OSBPL10: variants seen among roughly 807,000 people sequenced by gnomAD.
OSBPL10 encodes oxysterol binding protein like 10.
A neutral mutation model predicts 81.7 loss-of-function variants in OSBPL10; 49 were observed. The ratio of observed to expected loss-of-function variants is 0.60; its 90% confidence interval spans 0.48 to 0.76. The LOEUF is 0.76. OSBPL10 is among the 30% of genes least tolerant of loss of function. The pLI, the probability that OSBPL10 is intolerant of heterozygous loss-of-function variation, is 0.00. For missense variants in OSBPL10, 923 were observed against 987.8 expected, an observed-to-expected ratio of 0.93 and a Z score of 0.88; for synonymous variants, 419 against 383.6, an observed-to-expected ratio of 1.09 and a Z score of -1.08.
At chr3:31,989,251 A>ATCCAC in intron 2 of OSBPL10, 1 of 1,614,244 alleles carries the variant, frequency 6.2e-7, no homozygotes, top group Non-Finnish European at 8.5e-7. Context: ...GGAGAACTAC[A>ATCCAC]GGAACCTGCA....
intron 1 of OSBPL10, among the ~76,000 whole-genome samples, chr3:31,905,971 A>G (rs1381975219): frequency 1.3e-5 from 2 of 152,018 alleles, no homozygotes; most frequent in Admixed American, 1.3e-4. Context: ...AGCAACAGTC[A>G]CCACATTCAA....
chr3:32,056,206 G>C (rs1699711583), intron 1 of OSBPL10, among the ~76,000 whole-genome samples: 1 of 152,130 alleles, frequency 6.6e-6, no homozygotes, highest in Non-Finnish European at 1.5e-5. Context: ...AGTTGTTTTT[G>C]AGTTTTTTTC....
intron 1 of OSBPL10, among the ~76,000 whole-genome samples, chr3:32,056,383 T>C (rs1699712551): frequency 6.6e-6 from 1 of 152,248 alleles, no homozygotes; most frequent in African/African-American, 2.4e-5. Context: ...GTTCCAACAA[T>C]TGCCCAGTTC....
chr3:31,895,666 AT>A, intron 1 of OSBPL10, among the ~76,000 whole-genome samples: 1 of 152,308 alleles, frequency 6.6e-6, no homozygotes, highest in South Asian at 2.1e-4. Flanking sequence ...TCCTGTGCCA[AT>A]GTGAACATCT....
chr3:31,940,442 G>A (rs961488888), intron 1 of OSBPL10, among the ~76,000 whole-genome samples: 5 of 152,196 alleles, frequency 3.3e-5, no homozygotes, highest in African/African-American at 1.2e-4. Flanking sequence ...GGGCACTGGG[G>A]AATTTTCTGG....
Position 31,683,915 on chromosome 3 carries a change from A to T in OSBPL10, c.1445T>A (p.Ile482Asn). ...GGAGCAGTGAAATGTCTCGCCTATG[A>T]TGGGGTTGTAGGGCTTCTTGGCTAA... ...GALAKKPYNPIIGETFHCSWE... is the reference protein window; with the variant it reads ...GALAKKPYNPNIGETFHCSWE... The change falls in exon 8 of 12, where the codon ATC becomes AAC. Residue 482 changes from isoleucine (I) to asparagine (N), a missense_variant. This residue lies in a region of OSBPL10 where 387 missense variants were observed against 436.3 expected (regional missense o/e 0.89). Transcript: ENST00000396556. The T allele has an allele frequency of 6.2e-7, 1 of 1,614,242 alleles. No individual in the cohort carries two copies. The highest frequency in any genetic ancestry group is 8.5e-7 in the Non-Finnish European group (1 of 1,180,050).
chr3:31,733,099 C>A (rs2125665881), intron 6 of OSBPL10, 158 bp downstream of exon 6: 4 of 928,722 alleles, frequency 4.3e-6, no homozygotes, highest in Admixed American at 6.0e-5. Context: ...AAGTGCCGGG[C>A]ATGCACATAG....
intron 2 of OSBPL10, among the ~76,000 whole-genome samples, chr3:31,988,387 T>C (rs1487772466): frequency 1.3e-5 from 2 of 152,090 alleles, no homozygotes; most frequent in Non-Finnish European, 2.9e-5. Flanking sequence ...GAGTGTGTTG[T>C]ACATGTGGGA....
chr3:31,750,430 A>G (rs1288051728), intron 4 of OSBPL10, among the ~76,000 whole-genome samples: 1 of 152,232 alleles, frequency 6.6e-6, no homozygotes, highest in Admixed American at 6.5e-5. Flanking sequence ...ACAGAAGTGC[A>G]AGAGAATCCA....
intron 3 of OSBPL10, among the ~76,000 whole-genome samples, chr3:31,866,260 A>T (rs1198395914): frequency 1.3e-5 from 2 of 152,152 alleles, no homozygotes; most frequent in Non-Finnish European, 2.9e-5. Flanking sequence ...CCCCGGAAGC[A>T]GTCCACACAT....
chr3:32,048,589 T>G (rs369449951), intron 1 of OSBPL10, among the ~76,000 whole-genome samples: 45 of 152,088 alleles, frequency 3.0e-4, no homozygotes, highest in Non-Finnish European at 5.7e-4. Flanking sequence ...TTACAGGCGT[T>G]AGCCACCATG....
intron 2 of OSBPL10, among the ~76,000 whole-genome samples, chr3:31,878,849 GCA>G (rs1394638823): frequency 2.2e-4 from 33 of 150,380 alleles, no homozygotes; most frequent in Non-Finnish European, 3.1e-4. Context: ...GTGTGTGTGT[GCA>G]TGCACTTGTG....
At chr3:31,677,385 G>A (rs1479917456) in intron 8 of OSBPL10, among the ~76,000 whole-genome samples, 2 of 152,164 alleles carry the variant, frequency 1.3e-5, no homozygotes, top group East Asian at 1.9e-4. Flanking sequence ...TCACAAGAAC[G>A]AGCCAAGGGT....
chr3:31,830,209 C>T lies in OSBPL10; in HGVS notation c.560G>A (p.Arg187Gln), dbSNP rs780338081. Residue 187 changes from arginine to glutamine, a missense_variant, in exon 4 of 12, where the codon CGA becomes CAA. Arg to Gln is a conservative substitution (Grantham distance 43, BLOSUM62 1). Around this residue, in one of 3 missense-constraint regions of OSBPL10, gnomAD observed 514 missense variants for 508.0 expected, o/e 1.01. Coordinates refer to ENST00000396556, the MANE Select transcript of OSBPL10 (RefSeq NM_017784.5). Reference protein sequence around the residue: ...NSKSAPSSRSRSLTLLPHGTP... With the variant: ...NSKSAPSSRSQSLTLLPHGTP... ...TCCATGTGGGAGCAAAGTGAGACTT[C>T]GGCTTCGGGAGCTTGGAGCACTCTA... 16 of 1,613,750 alleles carry T rather than the reference C, an allele frequency of 9.9e-6. No individual in the cohort carries two copies. The highest frequency in any genetic ancestry group is 1.7e-5 in the Admixed American group (1 of 59,956).
intron 1 of OSBPL10, among the ~76,000 whole-genome samples, chr3:31,923,344 T>C (rs1302424272): frequency 4.0e-5 from 6 of 150,932 alleles, no homozygotes; most frequent in Non-Finnish European, 8.8e-5. Context: ...AGCTTGATGC[T>C]AATCAGAGTG....
In OSBPL10 at chr3:31,748,134, A is replaced by ATTCTT; in HGVS notation, c.730-15_730-14insAAGAA. 2.5e-6 allele frequency: 4 copies of ATTCTT among 1,603,696 alleles called. No homozygotes were observed. Among genetic ancestry groups the ATTCTT allele is most frequent in the Non-Finnish European group, 2.6e-6 (3 of 1,174,524 alleles). On this transcript the variant is annotated splice_polypyrimidine_tract_variant and intron_variant, in intron 4 of 11. Coordinates refer to ENST00000396556, the MANE Select transcript of OSBPL10 (RefSeq NM_017784.5). ...CTGGTTCATCATCTACAAAACAAGA[A>ATTCTT]GACAGTAAGGAGGTGAGGGGCGGAA...
In OSBPL10 at chr3:31,735,671, T is replaced by C. The variant is rs556987035; in HGVS notation, c.941-2260A>G. Among the ~76,000 whole-genome samples, 5 of 152,290 alleles carry C rather than the reference T, an allele frequency of 3.3e-5. No homozygotes were observed. The East Asian group carries it at 7.7e-4, about 24-fold the overall frequency. ...TTCCTTCCTCCCAGAGGGCTGTTCC[T>C]CCAGTCCTTCTACATCGGGGAGGAA... is the stretch of plus-strand genomic sequence containing the variant. On this transcript the variant is annotated intron_variant, in intron 5 of 11. Coordinates refer to ENST00000396556, the MANE Select transcript of OSBPL10 (RefSeq NM_017784.5).
chr3:31,783,082 A>G (rs1189776960), intron 4 of OSBPL10, among the ~76,000 whole-genome samples: 3 of 148,466 alleles, frequency 2.0e-5, no homozygotes, highest in African/African-American at 7.5e-5. Context: ...TGTGATATCT[A>G]TATGGATATA....
intron 2 of OSBPL10, among the ~76,000 whole-genome samples, chr3:32,013,864 C>T (rs982023130): frequency 8.5e-5 from 13 of 152,080 alleles, no homozygotes; most frequent in African/African-American, 2.2e-4. Context: ...ATAAATTCCT[C>T]GACACATACA....
Sources: gnomAD v4.1 joint callset for allele counts (sites outside exome capture counted in the v4.1 genomes callset) on GRCh38, gnomAD v4.1.1 for gene constraint, gnomAD v4.1.1 regional missense constraint, MANE v1.5 for transcripts, NCBI Gene and HGNC (gene_info 2026-07-23, HGNC 2026-07-21) for gene names.